The following SH3GL3 variants were observed in gnomAD, a reference collection of about 807,000 sequenced individuals.
The protein encoded by SH3GL3 is endophilin-A3.
SH3GL3 carries 33 observed loss-of-function variants against 47.7 expected under a neutral mutation model. The ratio of observed to expected loss-of-function variants is 0.69; its 90% CI spans 0.52 to 0.92. The LOEUF is 0.92. SH3GL3 is among the 40% of genes least tolerant of loss of function. The pLI is 0.00. For missense variants in SH3GL3, 363 were observed against 417.8 expected (o/e 0.87, Z 1.14); for synonymous variants, 155 against 148.8 (o/e 1.04, Z -0.30).
intron 8 of SH3GL3, among the ~76,000 whole-genome samples, chr15:83,598,415 T>G (rs2060289283): frequency 6.6e-6 from 1 of 152,238 alleles, no homozygotes; most frequent in Admixed American, 6.5e-5. Context: ...ATTCTTGTAT[T>G]CCTCATAATT....
intron 8 of SH3GL3, among the ~76,000 whole-genome samples, chr15:83,611,818 G>C (rs1040335236): frequency 4.6e-5 from 7 of 152,146 alleles, no homozygotes; most frequent in African/African-American, 1.7e-4. Context: ...AGCCTCCATT[G>C]AGGAAATCCA....
At chr15:83,531,477 A>C (rs973201452) in intron 1 of SH3GL3, among the ~76,000 whole-genome samples, 1 of 152,208 alleles carries the variant, frequency 6.6e-6, no homozygotes, top group African/African-American at 2.4e-5. Context: ...CCAAGAGTTT[A>C]GGAATGGAGA....
chr15:83,516,809 G>A (rs917159312), intron 1 of SH3GL3, among the ~76,000 whole-genome samples: 1 of 152,034 alleles, frequency 6.6e-6, no homozygotes, highest in South Asian at 2.1e-4. Flanking sequence ...TGTATCAGGA[G>A]GCATTCCTAA....
rs186750338 is a variant in SH3GL3, at chr15:83,517,437, C to G, written c.46-41816C>G. Among the ~76,000 whole-genome samples the G allele has an allele frequency of 9.6e-4, 146 of 152,012 alleles. 1 individual carries two copies. In the Middle Eastern group the frequency reaches 0.01, roughly 11 times the overall value. ...GCCAGGCTGGTCTTGAACTCCTGACCTCAGGTAATCCACCTGCCTCACCCT... is the reference window on the plus strand; with the variant it reads ...GCCAGGCTGGTCTTGAACTCCTGACGTCAGGTAATCCACCTGCCTCACCCT... On this transcript the variant is annotated intron_variant, in intron 1 of 8. Transcript: ENST00000427482.
At chr15:83,474,740 A>G (rs1473305599) in intron 1 of SH3GL3, among the ~76,000 whole-genome samples, 1 of 152,126 alleles carries the variant, frequency 6.6e-6, no homozygotes, top group Non-Finnish European at 1.5e-5. Flanking sequence ...GTAGTAATGA[A>G]CTGAGCGCTT....
chr15:83,484,589 T>A (rs1016349940), intron 1 of SH3GL3, among the ~76,000 whole-genome samples: 11 of 152,182 alleles, frequency 7.2e-5, no homozygotes, highest in African/African-American at 2.7e-4. Context: ...TTTGGTTGTT[T>A]TTTTGTATCT....
intron 1 of SH3GL3, among the ~76,000 whole-genome samples, chr15:83,550,496 T>C (rs1253897629): frequency 6.6e-6 from 1 of 152,158 alleles, no homozygotes; most frequent in Non-Finnish European, 1.5e-5. Context: ...TTCAAGTGAT[T>C]CTTGTGCCTC....
intron 1 of SH3GL3, among the ~76,000 whole-genome samples, chr15:83,483,738 T>C (rs1299997784): frequency 6.6e-6 from 1 of 152,228 alleles, no homozygotes; most frequent in African/African-American, 2.4e-5. Context: ...ACAAGTGCTG[T>C]TGGTAGGGGC....
intron 5 of SH3GL3, among the ~76,000 whole-genome samples, chr15:83,573,778 T>C (rs187044989): frequency 1.3e-5 from 2 of 152,310 alleles, no homozygotes; most frequent in South Asian, 2.1e-4. Context: ...TATTCATCCA[T>C]CAACTGTGTA....
intron 8 of SH3GL3, among the ~76,000 whole-genome samples, chr15:83,600,456 C>T (rs2060350066): frequency 6.6e-6 from 1 of 152,188 alleles, no homozygotes; most frequent in Admixed American, 6.5e-5. Flanking sequence ...TGTCCTTTCC[C>T]CACTTTATGC....
chr15:83,586,708 G>GA (rs574515264), intron 6 of SH3GL3, among the ~76,000 whole-genome samples: 61 of 152,222 alleles, frequency 4.0e-4, no homozygotes, highest in Non-Finnish European at 6.9e-4. Flanking sequence ...AATCTGCTGA[G>GA]AAAAATCATC....
At chr15:83,623,359 C>T (rs78111664), downstream of SH3GL3, among the ~76,000 whole-genome samples, 315 of 152,310 alleles carry the variant, frequency 2.1e-3, 2 homozygotes, top group African/African-American at 6.8e-3. Flanking sequence ...GGCTCACTCA[C>T]GGGACTGGGG....
intron 8 of SH3GL3, among the ~76,000 whole-genome samples, chr15:83,602,300 G>A (rs1187498615): frequency 1.3e-5 from 2 of 152,208 alleles, no homozygotes; most frequent in South Asian, 2.1e-4. Flanking sequence ...CTATCCAGTT[G>A]TAATGGCATC....
chr15:83,515,870 A>T (rs1596155852), intron 1 of SH3GL3, among the ~76,000 whole-genome samples: 1 of 152,346 alleles, frequency 6.6e-6, no homozygotes, highest in Non-Finnish European at 1.5e-5. Context: ...GTTATGGAAC[A>T]TTATCTTTGT....
At chr15:83,572,913 G>A (rs182364193) in intron 5 of SH3GL3, among the ~76,000 whole-genome samples, 44 of 152,282 alleles carry the variant, frequency 2.9e-4, no homozygotes, top group Non-Finnish European at 2.1e-4. Context: ...TAATGGGAGG[G>A]AATGTAAGCC....
rs1196814413 is a variant in SH3GL3, at chr15:83,447,732, C to T, written c.45+154C>T. ...AGGGCGCGAGGGTGGGGTGAGGGGC[C>T]GCCTGCTCTCTCCTCGGCGTCTTGG... On this transcript the variant is annotated intron_variant, in intron 1 of 8. Transcript: ENST00000427482. This position sits in a 1 kb window ranked among gnomAD's most constrained non-coding sequence, Gnocchi z 5.1. Among the ~76,000 whole-genome samples the T allele has an allele frequency of 6.6e-6, 1 of 152,138 alleles. No individual in the cohort carries two copies. The highest frequency in any genetic ancestry group is 1.9e-4 in the East Asian group (1 of 5,188).
intron 1 of SH3GL3, chr15:83,491,009 T>C (rs1596092896): frequency 1.3e-6 from 2 of 1,544,646 alleles, no homozygotes; most frequent in Non-Finnish European, 1.7e-6. Flanking sequence ...CAGATCTTCA[T>C]GGTGAAAAGT....
intron 7 of SH3GL3, among the ~76,000 whole-genome samples, chr15:83,588,351 G>A (rs28694207): frequency 3.3e-5 from 5 of 152,068 alleles, no homozygotes; most frequent in South Asian, 2.1e-4. Flanking sequence ...GGCTGATCTC[G>A]AACTCCTGAC....
chr15:83,478,928 C>A (rs772346108), intron 1 of SH3GL3, among the ~76,000 whole-genome samples: 1 of 152,212 alleles, frequency 6.6e-6, no homozygotes, highest in Non-Finnish European at 1.5e-5. Context: ...CTTCTTAAAA[C>A]CAAATGTTAT....
Sources: gnomAD v4.1 joint callset for allele counts (sites outside exome capture counted in the v4.1 genomes callset) on GRCh38, gnomAD v4.1.1 for gene constraint, Gnocchi (gnomAD v3.1) non-coding constraint, MANE v1.5 for transcripts, NCBI Gene and HGNC (gene_info 2026-07-23, HGNC 2026-07-21) for gene names.